The following TMEM178A variants were observed in gnomAD, a reference collection of about 807,000 sequenced individuals.
The protein encoded by TMEM178A is transmembrane protein 178.
A neutral mutation model predicts 29.1 loss-of-function variants in TMEM178A; 12 were observed. The observed-to-expected ratio is 0.41, with a 90% confidence interval of 0.26 to 0.67. The LOEUF (loss-of-function observed/expected upper bound fraction) is 0.67. Among genes scored for constraint, TMEM178A ranks in the 30% least tolerant of loss-of-function variants. The pLI, the probability that TMEM178A is intolerant of heterozygous loss-of-function variation, is 0.29. For synonymous variants in TMEM178A, 210 were observed against 187.2 expected (o/e 1.12, Z -0.99); for missense variants, 366 against 419.1 (o/e 0.87, Z 1.11).
chr2:39,691,881 G>A (rs1414530101), intron 1 of TMEM178A, among the ~76,000 whole-genome samples: 1 of 151,460 alleles, frequency 6.6e-6, no homozygotes, highest in African/African-American at 2.4e-5. Flanking sequence ...CTTGACTAAA[G>A]CATACACACA....
At chr2:39,705,869 G>C (rs1407985645) in intron 2 of TMEM178A, among the ~76,000 whole-genome samples, 1 of 152,222 alleles carries the variant, frequency 6.6e-6, no homozygotes, top group Non-Finnish European at 1.5e-5. Flanking sequence ...GATGATCCAC[G>C]TGCATTTGCC....
chr2:39,705,657 T>C (rs1002301024), intron 2 of TMEM178A, among the ~76,000 whole-genome samples: 1 of 152,228 alleles, frequency 6.6e-6, no homozygotes, highest in African/African-American at 2.4e-5. Flanking sequence ...AAAGGGATGG[T>C]CTCTCTGTGG....
chr2:39,666,411 C>A (rs1449074975), intron 1 of TMEM178A, 37 bp downstream of exon 1: 4 of 1,287,112 alleles, frequency 3.1e-6, no homozygotes, highest in East Asian at 7.1e-5. Flanking sequence ...CCGGCGCCCG[C>A]GCGTGGAGCG....
chr2:39,704,042 T>G, intron 1 of TMEM178A, 39 bp from the exon 2 acceptor site: 1 of 1,576,020 alleles, frequency 6.3e-7, no homozygotes, highest in South Asian at 1.1e-5. Context: ...CTGTTACAAA[T>G]AAGCAGACTC....
rs1672594858 is a variant in TMEM178A at position 39,717,437 on chromosome 2, A to T, written c.*186A>T. 2.6e-6 allele frequency: 2 copies of T among 783,686 alleles called. No homozygotes were observed. The highest frequency in any genetic ancestry group is 3.8e-6 in the Non-Finnish European group (2 of 523,876). 48.5% of individuals were successfully genotyped at this position (783,686 alleles called of 1,614,324 possible). A position where few individuals can be genotyped will look rare whatever the true frequency, so the allele number is the denominator to read the frequency against. On this transcript the variant is annotated 3_prime_UTR_variant, in exon 4 of 4. Transcript: ENST00000281961. ...TAAGGACAAGACTACTGTGGATTCAAGTGCTTTAATGACTATTTATGCGTT... is the reference window on the plus strand; with the variant it reads ...TAAGGACAAGACTACTGTGGATTCATGTGCTTTAATGACTATTTATGCGTT...
At chr2:39,689,233 T>C (rs572406447) in intron 1 of TMEM178A, among the ~76,000 whole-genome samples, 2 of 152,236 alleles carry the variant, frequency 1.3e-5, no homozygotes. Context: ...TGCTAAAATG[T>C]GCAGCCTTTC....
downstream of TMEM178A, among the ~76,000 whole-genome samples, chr2:39,719,293 G>T (rs1672654947): frequency 6.6e-6 from 1 of 152,246 alleles, no homozygotes; most frequent in South Asian, 2.1e-4. Context: ...CAACAAAGCA[G>T]TGTCTGAGTG....
intron 1 of TMEM178A, among the ~76,000 whole-genome samples, chr2:39,670,385 A>G (rs2716690): frequency 0.51 from 77,757 of 152,088 alleles, 20,970 homozygotes; most frequent in East Asian, 0.87. Flanking sequence ...TGAATAAAAT[A>G]GATAAAAATC....
intron 2 of TMEM178A, 141 bp from the exon 3 acceptor site, chr2:39,706,908 C>T (rs1672059417): frequency 3.2e-6 from 3 of 924,268 alleles, no homozygotes; most frequent in East Asian, 5.5e-5. Context: ...AGAGTATTCC[C>T]TATGCCTCCT....
At chr2:39,705,958 C>A (rs763285176) in intron 2 of TMEM178A, among the ~76,000 whole-genome samples, 1 of 151,876 alleles carries the variant, frequency 6.6e-6, no homozygotes, top group Non-Finnish European at 1.5e-5. Context: ...TGAAATTTAG[C>A]GAACAATTTT....
At position 39,717,548 on chromosome 2, in the gene TMEM178A, C is replaced by T; in HGVS notation, c.*297C>T. ...GCAATGGAAAAATTTGTATGATTTC[C>T]ATTTATTTCAGAAAGTTTGTATGTA... On this transcript the variant is annotated 3_prime_UTR_variant, in exon 4 of 4. Coordinates refer to ENST00000281961, the MANE Select transcript of TMEM178A (RefSeq NM_152390.3). 3.8e-6 allele frequency: 1 copy of T among 260,104 alleles called. No individual in the cohort carries two copies. The highest frequency in any genetic ancestry group is 7.3e-6 in the Non-Finnish European group (1 of 137,360). 16.1% of individuals were successfully genotyped at this position (260,104 alleles called of 1,614,324 possible).
intron 1 of TMEM178A, among the ~76,000 whole-genome samples, chr2:39,685,907 T>C (rs1671056479): frequency 6.6e-6 from 1 of 152,188 alleles, no homozygotes; most frequent in Non-Finnish European, 1.5e-5. Context: ...TTTGTAGAGC[T>C]TGTGTTTGTT....
intron 3 of TMEM178A, among the ~76,000 whole-genome samples, chr2:39,715,873 A>C (rs1672512728): frequency 6.6e-6 from 1 of 152,150 alleles, no homozygotes; most frequent in Non-Finnish European, 1.5e-5. Context: ...CCAAAGCTAT[A>C]GGTTAAAAAA....
the TMEM178A span, among the ~76,000 whole-genome samples, chr2:39,732,405 C>T: frequency 6.6e-6 from 1 of 152,076 alleles, no homozygotes; most frequent in Non-Finnish European, 1.5e-5. Flanking sequence ...TCATGAGTGC[C>T]GTCAGCCATG....
chr2:39,730,614 G>A, the TMEM178A span, among the ~76,000 whole-genome samples: 1 of 152,156 alleles, frequency 6.6e-6, no homozygotes, highest in Non-Finnish European at 1.5e-5. Flanking sequence ...TATTGGTGGT[G>A]GTGGTGTGGT....
At chr2:39,722,669 T>TTTAAATCACAGC (rs900280162), downstream of TMEM178A, among the ~76,000 whole-genome samples, 1 of 152,196 alleles carries the variant, frequency 6.6e-6, no homozygotes, top group African/African-American at 2.4e-5. Flanking sequence ...CCAACCCCAG[T>TTTAAATCACAGC]TTAAATCACA....
the TMEM178A span, among the ~76,000 whole-genome samples, chr2:39,725,720 G>A: frequency 3.9e-5 from 6 of 152,176 alleles, no homozygotes; most frequent in South Asian, 6.2e-4. Context: ...CTGTGAAGCC[G>A]ACTTGCTGCC....
intron 1 of TMEM178A, among the ~76,000 whole-genome samples, chr2:39,693,590 A>C (rs976863945): frequency 1.3e-5 from 2 of 152,166 alleles, no homozygotes; most frequent in Admixed American, 1.3e-4. Context: ...TAGTGTCTCT[A>C]CATTGTGGTT....
At chr2:39,683,605 T>G (rs1430908852) in intron 1 of TMEM178A, among the ~76,000 whole-genome samples, 1 of 152,206 alleles carries the variant, frequency 6.6e-6, no homozygotes. Flanking sequence ...TTGTAGTTCC[T>G]GAGGGTGATA....
Sources: allele counts gnomAD v4.1 joint callset (sites outside exome capture counted in the v4.1 genomes callset), GRCh38; gene constraint gnomAD v4.1.1; transcripts MANE v1.5; gene names NCBI Gene and HGNC (gene_info 2026-07-23, HGNC 2026-07-21).